AKR1E2: variants seen among roughly 807,000 people sequenced by gnomAD.
AKR1E2 encodes the protein 1,5-anhydro-D-fructose reductase.
In AKR1E2, 43 loss-of-function variants were observed where a neutral mutation model predicts 41.9. That is an observed-to-expected ratio of 1.03 (90% CI 0.80 to 1.32). The LOEUF (loss-of-function observed/expected upper bound fraction) is 1.32. Among genes scored for constraint, AKR1E2 ranks in the 40% most tolerant of loss-of-function variants. The pLI is 0.00. For synonymous variants in AKR1E2, 121 were observed against 138.9 expected (o/e 0.87, Z 0.91); for missense variants, 423 against 396.5 (o/e 1.07, Z -0.57).
At chr10:4,846,173 C>T (rs1834320859) in intron 8 of AKR1E2, 1 of 258,166 alleles carries the variant, frequency 3.9e-6, no homozygotes, top group Non-Finnish European at 7.8e-6. Flanking sequence ...GCTACTTTCT[C>T]CTGCCCTCAG....
the AKR1E2 span, among the ~76,000 whole-genome samples, chr10:4,856,429 A>G: frequency 6.6e-6 from 1 of 152,236 alleles, no homozygotes. Flanking sequence ...CAAAAATTAT[A>G]AAGGGTTATA....
At chr10:4,860,318 T>G in the AKR1E2 span, among the ~76,000 whole-genome samples, 18 of 152,208 alleles carry the variant, frequency 1.2e-4, 1 homozygote, top group Admixed American at 1.1e-3. Context: ...GTCTTCTCTC[T>G]TCACGGTGCC....
At chr10:4,864,739 C>G in the AKR1E2 span, among the ~76,000 whole-genome samples, 1 of 152,150 alleles carries the variant, frequency 6.6e-6, no homozygotes, top group Non-Finnish European at 1.5e-5. Context: ...TCTCCTTAAG[C>G]TGATAAGCAA....
chr10:4,843,894 C>A (rs1834085379), intron 8 of AKR1E2, among the ~76,000 whole-genome samples: 1 of 152,230 alleles, frequency 6.6e-6, no homozygotes, highest in Admixed American at 6.5e-5. Flanking sequence ...GACCAGCCAA[C>A]CTTAAGCCTG....
intron 9 of AKR1E2, 41 bp downstream of exon 9, chr10:4,847,271 T>C: frequency 6.2e-7 from 1 of 1,612,060 alleles, no homozygotes; most frequent in Non-Finnish European, 8.5e-7. Context: ...GGGAAGAATA[T>C]ACAGATTGAA....
At position 4,841,874 on chromosome 10, in the gene AKR1E2, G is replaced by T. The variant is rs140374828; in HGVS notation, c.753+17G>T. ...CCTGCTCAGGTAGGGAGGGAGGGCT[G>T]TTCTGAGCCAGGTGGGGTTCTCTGA... On this transcript the variant is annotated intron_variant, in intron 7 of 9. Transcript: ENST00000298375. The T allele has an allele frequency of 2.5e-6, 4 of 1,610,112 alleles. No homozygotes were observed. The African/African-American group carries it at 4.0e-5, about 16-fold the overall frequency.
At chr10:4,852,635 T>A (rs1227987095), downstream of AKR1E2, among the ~76,000 whole-genome samples, 1 of 152,200 alleles carries the variant, frequency 6.6e-6, no homozygotes, top group Non-Finnish European at 1.5e-5. Context: ...CTAATGAATT[T>A]ACGCTGAAGC....
chr10:4,866,639 GTTTTTGTTTTTTT>G, the AKR1E2 span, among the ~76,000 whole-genome samples: 1 of 107,806 alleles, frequency 9.3e-6, no homozygotes, highest in East Asian at 3.2e-4. Context: ...TTTTGTTTTT[GTTTTTGTTTTTTT>G]TTTTTTTTGA....
chr10:4,841,574 G>A (rs920975968), intron 6 of AKR1E2, among the ~76,000 whole-genome samples: 2 of 152,190 alleles, frequency 1.3e-5, no homozygotes, highest in African/African-American at 4.8e-5. Context: ...GTGATGTCGT[G>A]TAGCCTTGTT....
chr10:4,863,650 CA>C, the AKR1E2 span, among the ~76,000 whole-genome samples: 9 of 117,354 alleles, frequency 7.7e-5, no homozygotes, highest in Admixed American at 1.6e-4. Context: ...AAAAACCCTT[CA>C]AAAAATCAAT....
At chr10:4,844,427 G>T (rs560189506) in intron 8 of AKR1E2, among the ~76,000 whole-genome samples, 1 of 152,234 alleles carries the variant, frequency 6.6e-6, no homozygotes, top group Non-Finnish European at 1.5e-5. Flanking sequence ...CAAAGCTTCC[G>T]CAGTGTGGAA....
At chr10:4,844,676 G>A (rs111710550) in intron 8 of AKR1E2, among the ~76,000 whole-genome samples, 4 of 144,490 alleles carry the variant, frequency 2.8e-5, no homozygotes, top group Admixed American at 6.9e-5. Context: ...CACCAGAGTA[G>A]CTAGATACAG....
chr10:4,839,162 C>G (rs1325025640), intron 5 of AKR1E2, among the ~76,000 whole-genome samples: 1 of 152,222 alleles, frequency 6.6e-6, no homozygotes, highest in East Asian at 1.9e-4. Flanking sequence ...AATTTTCATT[C>G]AAGTCACCTG....
intron 2 of AKR1E2, 140 bp from the exon 3 acceptor site, chr10:4,833,210 T>G (rs1291561309): frequency 9.8e-6 from 7 of 711,268 alleles, no homozygotes; most frequent in Non-Finnish European, 1.8e-5. Flanking sequence ...TGTCCTCCCA[T>G]CAGAACTTGC....
chr10:4,850,077 C>T (rs1015081382), downstream of AKR1E2, among the ~76,000 whole-genome samples: 1 of 152,174 alleles, frequency 6.6e-6, no homozygotes, highest in Non-Finnish European at 1.5e-5. Context: ...ATTGATAACC[C>T]GGCCCCTCTT....
the AKR1E2 span, among the ~76,000 whole-genome samples, chr10:4,855,923 C>T: frequency 2.6e-5 from 4 of 152,150 alleles, no homozygotes; most frequent in African/African-American, 9.7e-5. Context: ...TAGATAAGGC[C>T]TGGGGACATG....
At chr10:4,842,202 T>C (rs1833944313) in intron 7 of AKR1E2, among the ~76,000 whole-genome samples, 1 of 152,202 alleles carries the variant, frequency 6.6e-6, no homozygotes, top group Non-Finnish European at 1.5e-5. Context: ...TGGGCGCATG[T>C]TAAGGAATTC....
At chr10:4,837,336 G>C in intron 4 of AKR1E2, 123 bp from the exon 5 acceptor site, 1 of 1,364,242 alleles carries the variant, frequency 7.3e-7, no homozygotes, top group Non-Finnish European at 9.9e-7. Context: ...GAAGCTTCAA[G>C]TAAAATATTG....
chr10:4,856,123 A>T, the AKR1E2 span, among the ~76,000 whole-genome samples: 2 of 152,270 alleles, frequency 1.3e-5, no homozygotes, highest in South Asian at 2.1e-4. Context: ...ACTGTTCTAC[A>T]TGCAAGGTAT....
Sources: gnomAD v4.1 joint callset for allele counts (sites outside exome capture counted in the v4.1 genomes callset) on GRCh38, gnomAD v4.1.1 for gene constraint, MANE v1.5 for transcripts, NCBI Gene and HGNC (gene_info 2026-07-23, HGNC 2026-07-21) for gene names.